STEAP1B: variants seen among roughly 807,000 people sequenced by gnomAD.
STEAP1B encodes the protein STEAP family protein MGC87042.
Under a neutral mutation model 27.9 loss-of-function variants are expected in STEAP1B, and 13 were observed. The observed-to-expected ratio is 0.47, with a 90% CI of 0.30 to 0.74. STEAP1B has a LOEUF of 0.74. Among genes scored for constraint, STEAP1B ranks in the 30% least tolerant of loss-of-function variants. The pLI, the probability that STEAP1B is intolerant of heterozygous loss-of-function variation, is 0.06. For synonymous variants in STEAP1B, 86 were observed against 107.1 expected, an observed-to-expected ratio of 0.80 and a Z score of 1.22; for missense variants, 250 against 298.7, an observed-to-expected ratio of 0.84 and a Z score of 1.20.
At chr7:22,458,751 A>T (rs2128407079) in intron 4 of STEAP1B, among the ~76,000 whole-genome samples, 1 of 152,308 alleles carries the variant, frequency 6.6e-6, no homozygotes, top group East Asian at 1.9e-4. Context: ...CAATGGCAGG[A>T]GATAAAACAG....
intron 4 of STEAP1B, among the ~76,000 whole-genome samples, chr7:22,421,252 C>T (rs1008330915): frequency 2.0e-5 from 3 of 152,082 alleles, no homozygotes; most frequent in Non-Finnish European, 2.9e-5. Context: ...GGCACTGTGG[C>T]GGGTGCTGAA....
At chr7:22,480,103 G>A (rs1418934020) in intron 4 of STEAP1B, among the ~76,000 whole-genome samples, 2 of 152,142 alleles carry the variant, frequency 1.3e-5, no homozygotes, top group African/African-American at 2.4e-5. Flanking sequence ...TAGAAAGGAA[G>A]GTTATTGAAT....
intron 4 of STEAP1B, among the ~76,000 whole-genome samples, chr7:22,434,114 A>T (rs567389226): frequency 6.6e-6 from 1 of 152,348 alleles, no homozygotes; most frequent in South Asian, 2.1e-4. Context: ...ATGCAGAGAT[A>T]ATTGCATCAA....
intron 4 of STEAP1B, among the ~76,000 whole-genome samples, chr7:22,454,840 T>TAA (rs1258577226): frequency 5.5e-4 from 47 of 85,046 alleles, no homozygotes; most frequent in East Asian, 5.1e-3. Flanking sequence ...TATATATATA[T>TAA]ATATATATGT....
intron 4 of STEAP1B, among the ~76,000 whole-genome samples, chr7:22,437,065 A>G (rs1785264221): frequency 6.6e-6 from 1 of 152,232 alleles, no homozygotes; most frequent in Non-Finnish European, 1.5e-5. Flanking sequence ...TGAACAGACA[A>G]CATACAGAAT....
At chr7:22,421,865 C>A (rs1400597501) in intron 4 of STEAP1B, among the ~76,000 whole-genome samples, 1 of 152,158 alleles carries the variant, frequency 6.6e-6, no homozygotes, top group African/African-American at 2.4e-5. Flanking sequence ...GAGGTGAGGA[C>A]CTCTTCTTTC....
At chr7:22,448,042 T>A (rs1785433362) in intron 4 of STEAP1B, among the ~76,000 whole-genome samples, 1 of 152,386 alleles carries the variant, frequency 6.6e-6, no homozygotes, top group South Asian at 2.1e-4. Flanking sequence ...TTGCTTTCAG[T>A]TGCTGGTTTG....
At chr7:22,484,532 A>G (rs971373723) in intron 4 of STEAP1B, among the ~76,000 whole-genome samples, 8 of 152,212 alleles carry the variant, frequency 5.3e-5, no homozygotes, top group African/African-American at 1.9e-4. Context: ...TGGTCACCCA[A>G]GAGCTCAGAT....
intron 4 of STEAP1B, among the ~76,000 whole-genome samples, chr7:22,476,550 C>A (rs1320274256): frequency 6.6e-6 from 1 of 152,166 alleles, no homozygotes; most frequent in East Asian, 1.9e-4. Context: ...CCTGTATAGT[C>A]CACATTTCAT....
In STEAP1B at chr7:22,445,650, G is replaced by A. The variant is rs138202775; in HGVS notation, c.763-25814C>T. On this transcript the variant is annotated intron_variant, in intron 4 of 4. Transcript: ENST00000678116. The stretch of plus-strand genomic sequence containing the variant: ...AATGGGGATTTGGTCGACCTTTTCC[G>A]GCTTGGGGGAAGTCCCCGTGGTGAT... Among the ~76,000 whole-genome samples the A allele has an allele frequency of 9.6e-3, 1,462 of 152,346 alleles. 19 individuals are homozygous for A. Among genetic ancestry groups the A allele is most frequent in the South Asian group, 0.066 (319 of 4,826 alleles).
chr7:22,479,326 C>T (rs989983487), intron 4 of STEAP1B, among the ~76,000 whole-genome samples: 3 of 152,174 alleles, frequency 2.0e-5, no homozygotes, highest in Admixed American at 6.5e-5. Flanking sequence ...TTTGCCCACT[C>T]GAGAATCCTC....
intron 4 of STEAP1B, among the ~76,000 whole-genome samples, chr7:22,447,680 C>T (rs901312699): frequency 2.6e-5 from 4 of 152,216 alleles, no homozygotes; most frequent in African/African-American, 9.6e-5. Flanking sequence ...TTAGTAAGGT[C>T]CTTCATGTAA....
chr7:22,478,307 C>T (rs550386305), intron 4 of STEAP1B, among the ~76,000 whole-genome samples: 2 of 152,334 alleles, frequency 1.3e-5, no homozygotes, highest in Non-Finnish European at 2.9e-5. Context: ...ATCTCTCTGG[C>T]GCTGAGACTT....
At chr7:22,481,365 C>T (rs1433398219) in intron 4 of STEAP1B, among the ~76,000 whole-genome samples, 2 of 152,184 alleles carry the variant, frequency 1.3e-5, no homozygotes, top group African/African-American at 4.8e-5. Context: ...CCCCTGGGTG[C>T]CTGAGGACCC....
intron 4 of STEAP1B, among the ~76,000 whole-genome samples, chr7:22,445,081 T>C (rs1446291495): frequency 6.6e-6 from 1 of 152,206 alleles, no homozygotes; most frequent in Admixed American, 6.5e-5. Flanking sequence ...CCTGAAGAAT[T>C]TGGACAATGA....
At chr7:22,426,911 C>T (rs938005913) in intron 4 of STEAP1B, among the ~76,000 whole-genome samples, 8 of 152,120 alleles carry the variant, frequency 5.3e-5, no homozygotes, top group Non-Finnish European at 8.8e-5. Context: ...AAATTTTACA[C>T]GGTTTGGTGA....
At chr7:22,482,622 C>G (rs768175200) in intron 4 of STEAP1B, among the ~76,000 whole-genome samples, 19 of 152,124 alleles carry the variant, frequency 1.2e-4, no homozygotes, top group Non-Finnish European at 2.5e-4. Context: ...GGCCAATCTG[C>G]CCCCCAGGCA....
rs537965041 is a variant in STEAP1B at position 22,433,553 on chromosome 7, C to T, written c.763-13717G>A. Among the ~76,000 whole-genome samples the T allele has an allele frequency of 6.5e-4, 98 of 151,794 alleles. No homozygotes were observed. In the Middle Eastern group the frequency reaches 0.014, roughly 21 times the overall value. On this transcript the variant is annotated intron_variant, in intron 4 of 4. Coordinates refer to ENST00000678116, the MANE Select transcript of STEAP1B (RefSeq NM_001382447.1). ...AAGCACAAAGACAGGTTAGGCCAAACCAGTTTTAAGGAGAGGAGATCTATG... is the reference window on the plus strand; with the variant it reads ...AAGCACAAAGACAGGTTAGGCCAAATCAGTTTTAAGGAGAGGAGATCTATG...
intron 4 of STEAP1B, among the ~76,000 whole-genome samples, chr7:22,459,926 C>T (rs542865616): frequency 2.6e-5 from 4 of 152,264 alleles, no homozygotes; most frequent in Non-Finnish European, 5.9e-5. Context: ...TTTCCCACCA[C>T]AATAGCGTAA....
Sources: gnomAD v4.1 joint callset for allele counts (sites outside exome capture counted in the v4.1 genomes callset) on GRCh38, gnomAD v4.1.1 for gene constraint, MANE v1.5 for transcripts, NCBI Gene and HGNC (gene_info 2026-07-23, HGNC 2026-07-21) for gene names.